The following KLHL32 variants were observed in gnomAD, a reference collection of about 807,000 sequenced individuals.
The protein encoded by KLHL32 is kelch-like protein 32.
A neutral mutation model predicts 64.8 loss-of-function variants in KLHL32; 35 were observed. The observed-to-expected ratio is 0.54, with a 90% confidence interval of 0.41 to 0.72. The LOEUF is 0.72. KLHL32 is among the 30% of genes least tolerant of loss of function. The pLI is 0.00. For missense variants in KLHL32, 589 were observed against 768.5 expected, an observed-to-expected ratio of 0.77 and a Z score of 2.76; for synonymous variants, 259 against 281.0, an observed-to-expected ratio of 0.92 and a Z score of 0.78.
At chr6:97,081,334 AGAG>A (rs981222124) in intron 5 of KLHL32, among the ~76,000 whole-genome samples, 3 of 152,074 alleles carry the variant, frequency 2.0e-5, no homozygotes, top group African/African-American at 7.2e-5. Context: ...TGATGGGGAC[AGAG>A]GACTATTGCC....
chr6:97,018,776 A>G (rs77903999), intron 3 of KLHL32, among the ~76,000 whole-genome samples: 4,905 of 152,304 alleles, frequency 0.032, 240 homozygotes, highest in African/African-American at 0.11. Flanking sequence ...TGCTGGCCAA[A>G]GTAACAATCT....
chr6:96,982,017 A>C (rs1198979465), intron 3 of KLHL32, among the ~76,000 whole-genome samples: 2 of 152,100 alleles, frequency 1.3e-5, no homozygotes, highest in Admixed American at 1.3e-4. Context: ...TGATAAAAAT[A>C]TATATTCTGT....
intron 10 of KLHL32, among the ~76,000 whole-genome samples, chr6:97,136,193 A>C (rs939420049): frequency 6.6e-6 from 1 of 151,404 alleles, no homozygotes; most frequent in African/African-American, 2.4e-5. Flanking sequence ...GGAAGTACTA[A>C]TTTTTTTTTG....
intron 4 of KLHL32, among the ~76,000 whole-genome samples, chr6:97,052,106 A>G (rs1425941356): frequency 1.3e-5 from 2 of 152,218 alleles, no homozygotes; most frequent in African/African-American, 2.4e-5. Context: ...TCCTAACCAT[A>G]TGTAAAAGAA....
At chr6:97,026,715 T>C (rs1320131254) in intron 3 of KLHL32, among the ~76,000 whole-genome samples, 1 of 152,110 alleles carries the variant, frequency 6.6e-6, no homozygotes, top group Admixed American at 6.5e-5. Flanking sequence ...AGAGAGGACA[T>C]TAAAAATAAG....
At chr6:96,973,730 C>CTTTTTTTTTTTTTTTTTTTTTTTTTT (rs558193523) in intron 2 of KLHL32, among the ~76,000 whole-genome samples, 3 of 118,256 alleles carry the variant, frequency 2.5e-5, no homozygotes, top group Non-Finnish European at 5.2e-5. Flanking sequence ...TACAGATTGC[C>CTTTTTTTTTTTTTTTTTTTTTTTTTT]TTTTTTTTTT....
chr6:96,972,353 C>A (rs1775204118), intron 2 of KLHL32, among the ~76,000 whole-genome samples: 1 of 152,022 alleles, frequency 6.6e-6, no homozygotes, highest in Admixed American at 6.6e-5. Flanking sequence ...TGCTCAGTGA[C>A]CATGTGTGGT....
chr6:97,115,111 G>A (rs1797679641), intron 7 of KLHL32, among the ~76,000 whole-genome samples: 1 of 152,128 alleles, frequency 6.6e-6, no homozygotes, highest in Admixed American at 6.5e-5. Flanking sequence ...CACCTCTCAG[G>A]CTCAAGTGAT....
intron 2 of KLHL32, among the ~76,000 whole-genome samples, chr6:96,975,402 AT>A (rs1296140605): frequency 2.6e-5 from 4 of 152,110 alleles, no homozygotes; most frequent in African/African-American, 9.7e-5. Flanking sequence ...ATGGTGCACA[AT>A]TTCCGAAGTT....
intron 1 of KLHL32, among the ~76,000 whole-genome samples, chr6:96,944,348 G>A (rs1771690571): frequency 6.6e-6 from 1 of 152,192 alleles, no homozygotes. Context: ...ATGCAAGGAT[G>A]ATGGACTTCC....
chr6:96,991,681 G>A (rs1445783978), intron 3 of KLHL32, among the ~76,000 whole-genome samples: 2 of 152,098 alleles, frequency 1.3e-5, no homozygotes, highest in Admixed American at 1.3e-4. Flanking sequence ...TGATCACTGC[G>A]TTCCTTCCCA....
At chr6:97,099,607 C>G (rs1795435647) in intron 6 of KLHL32, among the ~76,000 whole-genome samples, 1 of 152,206 alleles carries the variant, frequency 6.6e-6, no homozygotes, top group Admixed American at 6.5e-5. Flanking sequence ...CTGAGACTAT[C>G]AGGCGGCTGG....
intron 7 of KLHL32, among the ~76,000 whole-genome samples, chr6:97,127,163 G>A (rs1447188771): frequency 6.6e-6 from 1 of 152,122 alleles, no homozygotes; most frequent in Non-Finnish European, 1.5e-5. Flanking sequence ...TCAGAATTGG[G>A]GTCCTCTTGG....
At chr6:97,088,817 A>G (rs971575335) in intron 6 of KLHL32, among the ~76,000 whole-genome samples, 1 of 152,224 alleles carries the variant, frequency 6.6e-6, no homozygotes, top group African/African-American at 2.4e-5. Context: ...ATTCTGTATC[A>G]TTCTCATGAT....
intron 3 of KLHL32, among the ~76,000 whole-genome samples, chr6:96,981,141 C>G (rs935967722): frequency 6.6e-6 from 1 of 152,128 alleles, no homozygotes; most frequent in Non-Finnish European, 1.5e-5. Flanking sequence ...TCCCAGGACA[C>G]ATGGTGATTA....
intron 1 of KLHL32, among the ~76,000 whole-genome samples, chr6:96,945,777 T>C (rs1285424706): frequency 6.6e-6 from 1 of 152,152 alleles, no homozygotes; most frequent in Non-Finnish European, 1.5e-5. Context: ...TTTAGAGCCA[T>C]GTTCAGTGCT....
intron 6 of KLHL32, among the ~76,000 whole-genome samples, chr6:97,085,695 A>G (rs895523640): frequency 1.3e-5 from 2 of 152,208 alleles, no homozygotes; most frequent in Admixed American, 1.3e-4. Context: ...AGTGATATAT[A>G]TGCATATTTA....
intron 8 of KLHL32, among the ~76,000 whole-genome samples, chr6:97,130,209 T>C (rs985661734): frequency 8.5e-5 from 13 of 152,302 alleles, no homozygotes; most frequent in Non-Finnish European, 1.3e-4. Flanking sequence ...AAGTGCTTTA[T>C]GTGTATTAGC....
intron 1 of KLHL32, among the ~76,000 whole-genome samples, chr6:96,942,986 T>C (rs1408907068): frequency 1.3e-5 from 2 of 151,162 alleles, no homozygotes; most frequent in South Asian, 2.1e-4. Flanking sequence ...GAGGAGGGAC[T>C]GTAGGCTAAA....
Sources: gnomAD v4.1 joint callset for allele counts (sites outside exome capture counted in the v4.1 genomes callset) on GRCh38, gnomAD v4.1.1 for gene constraint, MANE v1.5 for transcripts, NCBI Gene and HGNC (gene_info 2026-07-23, HGNC 2026-07-21) for gene names.